SWI5: variants seen among roughly 807,000 people sequenced by gnomAD.
SWI5 encodes the protein SWI5 homologous recombination repair protein, also known as DNA repair protein SWI5 homolog.
A neutral mutation model predicts 17.0 loss-of-function variants in SWI5; 12 were observed. The ratio of observed to expected loss-of-function variants is 0.71; its 90% CI spans 0.45 to 1.14. The LOEUF (loss-of-function observed/expected upper bound fraction) is 1.14. SWI5 is among the 50% of genes most tolerant of loss of function. SWI5 has a pLI of 0.00. For missense variants in SWI5, 158 were observed against 162.2 expected (o/e 0.97, Z 0.14); for synonymous variants, 61 against 64.0 (o/e 0.95, Z 0.22).
intron 2 of SWI5, chr9:128,278,563 CAAA>C (rs545111384): frequency 1.1e-3 from 421 of 389,112 alleles, no homozygotes; most frequent in East Asian, 1.9e-3. Context: ...AACTCCATCT[CAAA>C]AAAAAAAAAA....
rs186327422 is a variant in SWI5 at position 128,286,248 on chromosome 9, C to T, written c.328+215C>T. ...TCAAGTACAGAACCTGCTTTGGAGCCGCAGCCAGGTTTGAGCGGGGCTTGC... is the reference window on the plus strand; with the variant it reads ...TCAAGTACAGAACCTGCTTTGGAGCTGCAGCCAGGTTTGAGCGGGGCTTGC... On this transcript the variant is annotated intron_variant, in intron 4 of 4. Coordinates refer to ENST00000418976, the Ensembl canonical transcript of SWI5. 1.0e-4 allele frequency: 54 copies of T among 520,938 alleles called. No individual in the cohort carries two copies. The Admixed American group carries it at 1.3e-3, about 12-fold the overall frequency. The allele number at this position is 520,938 out of a possible 1,614,324, so 32.3% of individuals were successfully genotyped here.
At chr9:128,288,945 G>T (rs77248613) in exon 5 of SWI5, 5 of 586,004 alleles carry the variant, frequency 8.5e-6, no homozygotes, top group Non-Finnish European at 1.5e-5. Context: ...TACTTGTGTA[G>T]GGGTACATGT....
At chr9:128,287,261 G>A (rs1354010815) in intron 4 of SWI5, among the ~76,000 whole-genome samples, 1 of 150,714 alleles carries the variant, frequency 6.6e-6, no homozygotes, top group Non-Finnish European at 1.5e-5. Context: ...CCTGGCCAAC[G>A]CAGTGAAACC....
intron 3 of SWI5, among the ~76,000 whole-genome samples, 162 bp downstream of exon 3, chr9:128,284,793 T>C (rs1365378025): frequency 6.6e-6 from 1 of 151,610 alleles, no homozygotes; most frequent in African/African-American, 2.4e-5. Flanking sequence ...CTGTCTCTAC[T>C]AAAAATACAA....
chr9:128,284,423 G>A (rs1831596727), intron 2 of SWI5, 87 bp from the exon 3 acceptor site: 1 of 1,506,492 alleles, frequency 6.6e-7, no homozygotes, highest in Non-Finnish European at 8.9e-7. Flanking sequence ...TTAGCAAGCA[G>A]AAGCAGGGAG....
exon 1 of SWI5, chr9:128,276,348 C>A: frequency 6.2e-7 from 1 of 1,613,358 alleles, no homozygotes; most frequent in East Asian, 2.2e-5. Context: ...GCGCTGGACC[C>A]TCTTGCGCCA....
intron 2 of SWI5, among the ~76,000 whole-genome samples, chr9:128,280,807 G>A (rs1308980459): frequency 3.3e-5 from 5 of 152,044 alleles, no homozygotes; most frequent in African/African-American, 7.2e-5. Context: ...GTGAGCCACC[G>A]TGCCCGGTCG....
At chr9:128,284,110 A>G (rs1831590013) in intron 2 of SWI5, among the ~76,000 whole-genome samples, 1 of 151,856 alleles carries the variant, frequency 6.6e-6, no homozygotes, top group Non-Finnish European at 1.5e-5. Context: ...AGCCTGGCCA[A>G]TATGGTGAAA....
chr9:128,276,122 T>A (rs16930333), upstream of SWI5: 121,614 of 1,565,876 alleles, frequency 0.078, 6,769 homozygotes, highest in East Asian at 0.24. Context: ...CAATGAGAAA[T>A]ATGAAGCGGA....
intron 4 of SWI5, among the ~76,000 whole-genome samples, chr9:128,288,133 CA>C (rs1831676997): frequency 6.6e-6 from 1 of 151,972 alleles, no homozygotes; most frequent in South Asian, 2.1e-4. Flanking sequence ...GATAGGTGTT[CA>C]GGGGAGGCCT....
chr9:128,288,309 T>C (rs921970754), intron 4 of SWI5, among the ~76,000 whole-genome samples: 1 of 152,220 alleles, frequency 6.6e-6, no homozygotes, highest in African/African-American at 2.4e-5. Flanking sequence ...TTGAAGCAGA[T>C]GAATCCAGCA....
Position 128,285,268 on chromosome 9 carries a change from G to A in SWI5, c.233+637G>A, listed in dbSNP as rs1394525780. Among the ~76,000 whole-genome samples, 1 of 151,218 alleles carries A rather than the reference G, an allele frequency of 6.6e-6. No homozygotes were observed. The highest frequency in any genetic ancestry group is 2.4e-5 in the African/African-American group (1 of 41,158). ...AGGAAAGGGGGGAAGGAAAGGGAAG[G>A]AAGGAAGGGAAAGGAAGGAAGGAAG... On this transcript the variant is annotated intron_variant, in intron 3 of 4. Coordinates refer to ENST00000418976, the Ensembl canonical transcript of SWI5. This position sits in a 1 kb window ranked among gnomAD's most constrained non-coding sequence, Gnocchi z 4.8.
chr9:128,284,450 T>G, intron 2 of SWI5, 60 bp from the exon 3 acceptor site: 1 of 1,583,390 alleles, frequency 6.3e-7, no homozygotes, highest in Non-Finnish European at 8.6e-7. Context: ...CTGGGGGACA[T>G]GTAGGCTGTG....
chr9:128,279,436 G>A (rs1831497455), intron 2 of SWI5, among the ~76,000 whole-genome samples: 1 of 152,200 alleles, frequency 6.6e-6, no homozygotes, highest in African/African-American at 2.4e-5. Context: ...TAAGGAAGGT[G>A]AGTCGTCCAA....
At chr9:128,275,376 CATCAGCGCGACGTCCAAG>C, upstream of SWI5, 1 of 1,283,420 alleles carries the variant, frequency 7.8e-7, no homozygotes, top group Non-Finnish European at 9.9e-7. Context: ...CTAGGGGGAA[CATCAGCGCGACGTCCAAG>C]TCGCCGCTCC....
intron 4 of SWI5, among the ~76,000 whole-genome samples, chr9:128,288,297 A>T (rs929304813): frequency 6.6e-6 from 1 of 152,206 alleles, no homozygotes; most frequent in Non-Finnish European, 1.5e-5. Flanking sequence ...ATCAGCTTAC[A>T]TTTGAAGCAG....
chr9:128,288,877 A>G, exon 5 of SWI5: 2 of 725,308 alleles, frequency 2.8e-6, no homozygotes, highest in South Asian at 3.6e-5. Flanking sequence ...GCTAGAGAAG[A>G]GGCGGGCAGG....
rs1478329209 is a variant in SWI5 at position 128,285,276 on chromosome 9, GGAAA to G, written c.233+647_233+650del. Among the ~76,000 whole-genome samples, 2 of 151,066 alleles carry G rather than the reference GGAAA, an allele frequency of 1.3e-5. No individual in the cohort carries two copies. The highest frequency in any genetic ancestry group is 3.0e-5 in the Non-Finnish European group (2 of 67,682). ...GGGGAAGGAAAGGGAAGGAAGGAAG[GGAAA>G]GGAAGGAAGGAAGGAAAGGAAGGAA... is the stretch of plus-strand genomic sequence containing the variant. On this transcript the variant is annotated intron_variant, in intron 3 of 4. Coordinates refer to ENST00000418976, the Ensembl canonical transcript of SWI5. This position sits in a 1 kb window ranked among gnomAD's most constrained non-coding sequence, Gnocchi z 4.8.
chr9:128,288,915 T>G (rs1831692033), exon 5 of SWI5: 1 of 605,022 alleles, frequency 1.7e-6, no homozygotes, highest in African/African-American at 1.8e-5. Context: ...AGCTCCAAGG[T>G]TCCTGAAATG....
Sources: gnomAD v4.1 joint callset for allele counts (sites outside exome capture counted in the v4.1 genomes callset) on GRCh38, gnomAD v4.1.1 for gene constraint, Gnocchi (gnomAD v3.1) non-coding constraint, MANE v1.5 for transcripts, NCBI Gene and HGNC (gene_info 2026-07-23, HGNC 2026-07-21) for gene names.